Variants in TSC22D2 observed in about 807,000 individuals in gnomAD.
TSC22D2 encodes TSC22 domain family protein 2.
In TSC22D2, 5 loss-of-function variants were observed where a neutral mutation model predicts 50.1. The ratio of observed to expected loss-of-function variants is 0.10; its 90% confidence interval spans 0.05 to 0.21. The LOEUF (loss-of-function observed/expected upper bound fraction) is 0.21. Ranked by LOEUF, TSC22D2 falls within the 10% of genes least tolerant of loss-of-function variation. The pLI, the probability that TSC22D2 is intolerant of heterozygous loss-of-function variation, is 1.00. For missense variants in TSC22D2, 1,003 were observed against 1,015.5 expected (o/e 0.99, Z 0.17); for synonymous variants, 501 against 450.1 (o/e 1.11, Z -1.43).
intron 1 of TSC22D2, among the ~76,000 whole-genome samples, chr3:150,450,323 A>G (rs1168154898): frequency 2.0e-5 from 3 of 152,096 alleles, no homozygotes; most frequent in Admixed American, 6.5e-5. Flanking sequence ...CCATTGCGGG[A>G]CTGGCTACTT....
At position 150,460,062 on chromosome 3, in the gene TSC22D2, T is replaced by A. The variant is rs1721346065; in HGVS notation, c.*1426T>A. ...TAACACATTAAGTGTATGTCAGAAATTGATGTATAAATATATATTTTAACA... is the reference window on the plus strand; with the variant it reads ...TAACACATTAAGTGTATGTCAGAAAATGATGTATAAATATATATTTTAACA... On this transcript the variant is annotated 3_prime_UTR_variant, in exon 3 of 3. Coordinates refer to ENST00000688009, the MANE Select transcript of TSC22D2 (RefSeq NM_001303264.2). 2 of 152,136 alleles carry A rather than the reference T, an allele frequency of 1.3e-5. No individual in the cohort carries two copies. The highest frequency in any genetic ancestry group is 4.1e-4 in the South Asian group (2 of 4,834). The allele number at this position is 152,136 out of a possible 1,614,324, so 9.4% of individuals were successfully genotyped here.
chr3:150,455,555 C>T (rs1161866370), intron 1 of TSC22D2, among the ~76,000 whole-genome samples: 1 of 152,092 alleles, frequency 6.6e-6, no homozygotes. Context: ...GTGGAAAGTC[C>T]ATTGAGGCAT....
intron 1 of TSC22D2, among the ~76,000 whole-genome samples, chr3:150,445,784 A>G (rs1033286118): frequency 2.6e-5 from 4 of 152,138 alleles, no homozygotes; most frequent in Non-Finnish European, 4.4e-5. Context: ...TGCTAGGATC[A>G]CCCCACTAGT....
At position 150,410,312 on chromosome 3, in the gene TSC22D2, G is replaced by A. The variant is rs746152178; in HGVS notation, c.962G>A (p.Gly321Glu). ...CAGCCCCAGGGAGCGGGGCCCGGGG[G>A]ACAGACTCTGCCGCCGACGAATGTA... ...PSQPQGAGPG[G>E]QTLPPTNVTL... Residue 321 changes from glycine to glutamate, a missense_variant, in exon 1 of 3, where the codon GGA (glycine) becomes GAA (glutamate). By Grantham distance (98) the Gly-to-Glu change is moderately conservative (BLOSUM62 -2). This residue lies in a region of TSC22D2 where 696 missense variants were observed against 647.8 expected (regional missense o/e 1.07). Coordinates refer to ENST00000688009, the MANE Select transcript of TSC22D2 (RefSeq NM_001303264.2). 2 of 1,573,126 alleles carry A rather than the reference G, an allele frequency of 1.3e-6. No homozygotes were observed. The highest frequency in any genetic ancestry group is 3.6e-5 in the Admixed American group (2 of 55,758).
intron 1 of TSC22D2, among the ~76,000 whole-genome samples, chr3:150,440,344 AAAAT>A (rs1290551405): frequency 6.6e-6 from 1 of 152,222 alleles, no homozygotes; most frequent in Non-Finnish European, 1.5e-5. Context: ...TATTTGCCAA[AAAAT>A]AAATGTTGGA....
chr3:150,412,306 TCA>T (rs1719603647), intron 1 of TSC22D2, among the ~76,000 whole-genome samples: 1 of 152,186 alleles, frequency 6.6e-6, no homozygotes, highest in East Asian at 1.9e-4. Context: ...TTCAGGAATT[TCA>T]CAGTTAGACA....
chr3:150,409,119 G>A lies in TSC22D2; in HGVS notation c.-232G>A. 2.3e-6 allele frequency: 1 copy of A among 431,596 alleles called. No homozygotes were observed. Among genetic ancestry groups the A allele is most frequent in the South Asian group, 5.6e-5 (1 of 17,882 alleles). The allele number at this position is 431,596 out of a possible 1,614,324, so 26.7% of individuals were successfully genotyped here. On this transcript the variant is annotated 5_prime_UTR_variant, in exon 1 of 3. Transcript: ENST00000688009. This position sits in a 1 kb window ranked among gnomAD's most constrained non-coding sequence, Gnocchi z 7.4. Reference sequence around the variant, plus strand: ...TAAAAAGGAAGGAGGAGCCGCCGCGGGACTGAGACGGGGGCAGAGCCGAAG... The same window carrying A: ...TAAAAAGGAAGGAGGAGCCGCCGCGAGACTGAGACGGGGGCAGAGCCGAAG...
At chr3:150,419,871 A>T (rs1368144371) in intron 1 of TSC22D2, among the ~76,000 whole-genome samples, 1 of 152,178 alleles carries the variant, frequency 6.6e-6, no homozygotes, top group Admixed American at 6.5e-5. Flanking sequence ...TGTAAACCAC[A>T]TCTCAGTCTT....
At chr3:150,423,031 G>T in intron 1 of TSC22D2, 1 of 1,606,114 alleles carries the variant, frequency 6.2e-7, no homozygotes, top group South Asian at 1.1e-5. Context: ...ATTTCCATTT[G>T]ATTCTCGGAT....
At chr3:150,446,580 C>A (rs1167199265) in intron 1 of TSC22D2, among the ~76,000 whole-genome samples, 1 of 152,188 alleles carries the variant, frequency 6.6e-6, no homozygotes, top group Non-Finnish European at 1.5e-5. Flanking sequence ...GGAAAACATT[C>A]ATTGATTTAT....
chr3:150,411,218 C>A lies in TSC22D2; in HGVS notation c.1868C>A (p.Ser623Tyr). Residue 623 changes from serine to tyrosine, a missense_variant, in exon 1 of 3, where the codon TCC (serine) becomes TAC (tyrosine). Ser to Tyr is a moderately radical substitution (Grantham distance 144). This residue lies in a region of TSC22D2 where 696 missense variants were observed against 647.8 expected (regional missense o/e 1.07). Coordinates refer to ENST00000688009, the MANE Select transcript of TSC22D2 (RefSeq NM_001303264.2). ...KPVVKPPVAD[S>Y]LANPLQLTPM... ...GTTGTGAAGCCGCCTGTTGCAGATT[C>A]CCTGGCAAACCCCCTTCAGTTAACA... 1 of 1,614,190 alleles carries A rather than the reference C, an allele frequency of 6.2e-7. No homozygotes were observed. The highest frequency in any genetic ancestry group is 1.6e-4 in the Middle Eastern group (1 of 6,062).
At chr3:150,428,840 T>C (rs1238108319) in intron 1 of TSC22D2, among the ~76,000 whole-genome samples, 2 of 152,166 alleles carry the variant, frequency 1.3e-5, no homozygotes, top group Admixed American at 6.5e-5. Context: ...TGAGCGAGCT[T>C]ACTGAAAAGT....
chr3:150,448,718 G>T (rs1312722761), intron 1 of TSC22D2, among the ~76,000 whole-genome samples: 3 of 151,776 alleles, frequency 2.0e-5, no homozygotes, highest in Non-Finnish European at 4.4e-5. Context: ...TTTTAGTTCA[G>T]CTAGTTTTAA....
In TSC22D2 at chr3:150,462,072, A is replaced by G. The variant is rs1721433485; in HGVS notation, c.*3436A>G. 6.6e-6 allele frequency: 1 copy of G among 152,208 alleles called. No homozygotes were observed. Among genetic ancestry groups the G allele is most frequent in the African/African-American group, 2.4e-5 (1 of 41,460 alleles). 9.4% of individuals were successfully genotyped at this position (152,208 alleles called of 1,614,324 possible). A position where few individuals can be genotyped will look rare whatever the true frequency, so the allele number is the denominator to read the frequency against. ...CCCTCAAAATTGACAATTTGAGGAC[A>G]TAATAAGCCAACTGATAATGCAGTG... On this transcript the variant is annotated 3_prime_UTR_variant, in exon 3 of 3. Transcript: ENST00000688009.
At position 150,428,880 on chromosome 3, in the gene TSC22D2, A is replaced by G. The variant is rs546980384; in HGVS notation, c.1958+17572A>G. On this transcript the variant is annotated intron_variant, in intron 1 of 2. Transcript: ENST00000688009. ...AGATCCCTTGGGAAATGGTCTTGCC[A>G]TCACTAGAAATAATACAACTATCTT... is the stretch of plus-strand genomic sequence containing the variant. Among the ~76,000 whole-genome samples, 14 of 152,302 alleles carry G rather than the reference A, an allele frequency of 9.2e-5. No individual in the cohort carries two copies. In the East Asian group the frequency reaches 2.7e-3, roughly 29 times the overall value.
At chr3:150,433,606 G>A (rs1720445901) in intron 1 of TSC22D2, among the ~76,000 whole-genome samples, 2 of 152,134 alleles carry the variant, frequency 1.3e-5, no homozygotes, top group Admixed American at 6.5e-5. Context: ...GATGCTAACC[G>A]TTGGTCTTCA....
At chr3:150,422,986 G>T in intron 1 of TSC22D2, 1 of 1,213,780 alleles carries the variant, frequency 8.2e-7, no homozygotes, top group Non-Finnish European at 1.2e-6. Context: ...ATCTTCTTTT[G>T]AAAAGTAGTG....
In TSC22D2 at chr3:150,410,418, G is replaced by A. The variant is rs779029786; in HGVS notation, c.1068G>A (p.Gln356=). 1.2e-6 allele frequency: 2 copies of A among 1,609,058 alleles called. No homozygotes were observed. Among genetic ancestry groups the A allele is most frequent in the Admixed American group, 1.7e-5 (1 of 59,830 alleles). Residue 356 remains glutamine (Q), a synonymous_variant, in exon 1 of 3, where the codon CAG becomes CAA. Coordinates refer to ENST00000688009, the MANE Select transcript of TSC22D2 (RefSeq NM_001303264.2). ...CCCCCGCGGCGCAGCAGCCCCAGCAGTTCGCGTATCCTCAGCCTCAGATAC... is the reference window on the plus strand; with the variant it reads ...CCCCCGCGGCGCAGCAGCCCCAGCAATTCGCGTATCCTCAGCCTCAGATAC... ...VGAPAAQQPQ[Q]FAYPQPQIPP...
chr3:150,415,210 C>T (rs1719756608), intron 1 of TSC22D2, among the ~76,000 whole-genome samples: 1 of 152,088 alleles, frequency 6.6e-6, no homozygotes. Flanking sequence ...ATTCCTAAAC[C>T]ATGAGCTATA....
Sources: allele counts gnomAD v4.1 joint callset (sites outside exome capture counted in the v4.1 genomes callset), GRCh38; gene constraint gnomAD v4.1.1; regional missense constraint gnomAD v4.1.1; non-coding constraint Gnocchi (gnomAD v3.1); transcripts MANE v1.5; gene names NCBI Gene and HGNC (gene_info 2026-07-23, HGNC 2026-07-21).